PPP2R3A: variants seen among roughly 807,000 people sequenced by gnomAD.
PPP2R3A encodes serine/threonine-protein phosphatase 2A regulatory subunit B'' subunit alpha.
In PPP2R3A, 80 loss-of-function variants were observed where a neutral mutation model predicts 106.9. That is an observed-to-expected ratio of 0.75 (90% CI 0.62 to 0.90). The LOEUF is 0.90. Among genes scored for constraint, PPP2R3A ranks in the 40% least tolerant of loss-of-function variants. PPP2R3A has a pLI of 0.00. For synonymous variants in PPP2R3A, 483 were observed against 468.3 expected (o/e 1.03, Z -0.41); for missense variants, 1,386 against 1,350.4 (o/e 1.03, Z -0.41).
intron 13 of PPP2R3A, among the ~76,000 whole-genome samples, chr3:136,137,088 A>G (rs1428382945): frequency 1.3e-5 from 2 of 152,206 alleles, no homozygotes; most frequent in Non-Finnish European, 2.9e-5. Context: ...TATGAAGATA[A>G]CAGGTTATGA....
intron 1 of PPP2R3A, among the ~76,000 whole-genome samples, chr3:135,988,150 C>G (rs1036996091): frequency 6.6e-6 from 1 of 151,996 alleles, no homozygotes; most frequent in African/African-American, 2.4e-5. Context: ...ACTACCGATT[C>G]TCCTTGCAAC....
chr3:136,071,782 T>C (rs1476495098), intron 6 of PPP2R3A, among the ~76,000 whole-genome samples: 1 of 152,168 alleles, frequency 6.6e-6, no homozygotes, highest in Non-Finnish European at 1.5e-5. Flanking sequence ...TCTCATCTTA[T>C]CTCCTACCTC....
At chr3:136,061,294 A>AT (rs1936066942) in intron 5 of PPP2R3A, among the ~76,000 whole-genome samples, 1 of 152,186 alleles carries the variant, frequency 6.6e-6, no homozygotes, top group South Asian at 2.1e-4. Flanking sequence ...ATAATACAGA[A>AT]TCATTTTGCA....
intron 13 of PPP2R3A, among the ~76,000 whole-genome samples, chr3:136,124,411 A>C (rs1271944738): frequency 6.6e-6 from 1 of 151,580 alleles, no homozygotes; most frequent in East Asian, 1.9e-4. Flanking sequence ...TGAACCCAGA[A>C]GTTTGAGGTT....
intron 5 of PPP2R3A, among the ~76,000 whole-genome samples, chr3:136,056,269 A>G (rs1935856822): frequency 6.6e-6 from 1 of 152,238 alleles, no homozygotes; most frequent in Non-Finnish European, 1.5e-5. Flanking sequence ...TGACCTGGAT[A>G]GAACACTGGA....
chr3:136,110,135 C>T (rs1937571978), intron 13 of PPP2R3A, among the ~76,000 whole-genome samples: 1 of 152,094 alleles, frequency 6.6e-6, no homozygotes, highest in Non-Finnish European at 1.5e-5. Flanking sequence ...ATTAAAAACC[C>T]CAACAACCCC....
At chr3:136,143,974 T>C (rs1301102402) in intron 13 of PPP2R3A, among the ~76,000 whole-genome samples, 1 of 152,260 alleles carries the variant, frequency 6.6e-6, no homozygotes, top group African/African-American at 2.4e-5. Flanking sequence ...AAGCCAGTGA[T>C]GTCAAATACT....
chr3:136,084,752 GGAT>G (rs1360609940), intron 8 of PPP2R3A, among the ~76,000 whole-genome samples: 5 of 152,222 alleles, frequency 3.3e-5, no homozygotes, highest in Admixed American at 3.3e-4. Flanking sequence ...AGTGTGCCAT[GGAT>G]ATGAGACAGA....
At chr3:136,085,495 G>A (rs1936904116) in intron 8 of PPP2R3A, among the ~76,000 whole-genome samples, 1 of 151,992 alleles carries the variant, frequency 6.6e-6, no homozygotes. Context: ...GCCCAGGCTG[G>A]TCTCGAACTC....
At chr3:136,015,051 CA>C (rs1483688062) in intron 2 of PPP2R3A, among the ~76,000 whole-genome samples, 1 of 152,064 alleles carries the variant, frequency 6.6e-6, no homozygotes, top group Non-Finnish European at 1.5e-5. Flanking sequence ...TGGATTTTGT[CA>C]AATGCTTTTC....
At chr3:135,966,711 A>G (rs923737849) in intron 1 of PPP2R3A, among the ~76,000 whole-genome samples, 2 of 152,070 alleles carry the variant, frequency 1.3e-5, no homozygotes, top group Non-Finnish European at 2.9e-5. Context: ...ATTATAAGGT[A>G]TTTTCTAATT....
chr3:135,983,856 C>G (rs1937570862), intron 1 of PPP2R3A, among the ~76,000 whole-genome samples: 1 of 152,156 alleles, frequency 6.6e-6, no homozygotes, highest in African/African-American at 2.4e-5. Flanking sequence ...TGACAACAAA[C>G]TTATAGCCTG....
chr3:136,046,020 C>CA (rs1024825632), intron 4 of PPP2R3A, among the ~76,000 whole-genome samples: 1 of 151,722 alleles, frequency 6.6e-6, no homozygotes, highest in African/African-American at 2.4e-5. Context: ...TCTGTCTCTA[C>CA]AAAAAAATTA....
At chr3:136,084,968 G>T (rs2107935006) in intron 8 of PPP2R3A, among the ~76,000 whole-genome samples, 1 of 152,274 alleles carries the variant, frequency 6.6e-6, no homozygotes. Context: ...GAAGGAAGTT[G>T]GGTTGTCTCA....
At chr3:135,972,253 C>G (rs1937270446) in intron 1 of PPP2R3A, among the ~76,000 whole-genome samples, 1 of 152,216 alleles carries the variant, frequency 6.6e-6, no homozygotes, top group African/African-American at 2.4e-5. Flanking sequence ...TGGCTTCTTT[C>G]ATTCAGCACA....
rs754803777 is a variant in PPP2R3A, at chr3:136,002,596, A to G, written c.1098A>G (p.Val366=). The change falls in exon 2 of 14, where the codon GTA becomes GTG. Residue 366 remains valine (V), a synonymous_variant. Transcript: ENST00000264977. ...DKPNSRKMDT[V]QSIPNNSTNS... is the part of the protein sequence containing the mutation. ...CTAATTCTAGGAAGATGGACACTGTACAATCCATTCCAAACAACTCCACAA... is the reference window on the plus strand; with the variant it reads ...CTAATTCTAGGAAGATGGACACTGTGCAATCCATTCCAAACAACTCCACAA... 1.9e-6 allele frequency: 3 copies of G among 1,613,980 alleles called. No individual in the cohort carries two copies. Among genetic ancestry groups the G allele is most frequent in the Non-Finnish European group, 2.5e-6 (3 of 1,179,900 alleles).
chr3:136,003,026 G>T lies in PPP2R3A; in HGVS notation c.1528G>T (p.Asp510Tyr), dbSNP rs746634733. The T allele has an allele frequency of 1.4e-5, 22 of 1,613,406 alleles. No individual in the cohort carries two copies. In the South Asian group the frequency reaches 2.4e-4, roughly 18 times the overall value. The part of the protein sequence containing the change: ...FTNSSSQEEI[D>Y]KLLMDLESFS... ...AAATTCCAGTAGCCAGGAAGAGATA[G>T]ATAAATTGTTAATGGATTTGGAATC... Residue 510 changes from aspartate to tyrosine, a missense_variant, in exon 2 of 14, where the codon GAT becomes TAT. Transcript: ENST00000264977.
chr3:135,988,006 A>C (rs1932994286), intron 1 of PPP2R3A, among the ~76,000 whole-genome samples: 1 of 151,894 alleles, frequency 6.6e-6, no homozygotes, highest in South Asian at 2.1e-4. Flanking sequence ...TTAAAAAAAG[A>C]CTCCCAAATT....
chr3:136,106,388 C>A (rs1937517808), intron 13 of PPP2R3A, 66 bp downstream of exon 13: 8 of 1,337,504 alleles, frequency 6.0e-6, no homozygotes, highest in Admixed American at 2.2e-5. Flanking sequence ...AGTATTAAAA[C>A]CCCCTTACAA....
Sources: gnomAD v4.1 joint callset for allele counts (sites outside exome capture counted in the v4.1 genomes callset) on GRCh38, gnomAD v4.1.1 for gene constraint, MANE v1.5 for transcripts, NCBI Gene and HGNC (gene_info 2026-07-23, HGNC 2026-07-21) for gene names.